PHACTR1: variants seen among roughly 807,000 people sequenced by gnomAD.
PHACTR1 encodes the protein RPEL repeat containing 1.
PHACTR1 carries 16 observed loss-of-function variants against 69.2 expected under a neutral mutation model. That is an observed-to-expected ratio of 0.23 (90% CI 0.16 to 0.35). The LOEUF (loss-of-function observed/expected upper bound fraction) is 0.35. Ranked by LOEUF, PHACTR1 falls within the 10% of genes least tolerant of loss-of-function variation. PHACTR1 has a pLI of 1.00. For missense variants in PHACTR1, 510 were observed against 734.7 expected (o/e 0.69, Z 3.54); for synonymous variants, 312 against 284.5 (o/e 1.10, Z -0.97).
intron 4 of PHACTR1, among the ~76,000 whole-genome samples, chr6:12,816,993 G>T (rs1034521117): frequency 1.3e-5 from 2 of 152,216 alleles, no homozygotes; most frequent in Non-Finnish European, 2.9e-5. Context: ...AGGGTTGTGT[G>T]TGTGGGGGTG....
At chr6:12,870,561 GTC>G (rs1056668704) in intron 4 of PHACTR1, among the ~76,000 whole-genome samples, 1 of 152,216 alleles carries the variant, frequency 6.6e-6, no homozygotes, top group Non-Finnish European at 1.5e-5. Context: ...AAGGGTCTGT[GTC>G]TCTACATCAG....
intron 4 of PHACTR1, among the ~76,000 whole-genome samples, chr6:12,889,297 A>T (rs1157123333): frequency 6.6e-6 from 1 of 152,172 alleles, no homozygotes; most frequent in Non-Finnish European, 1.5e-5. Context: ...AATCAGTGGG[A>T]TGGAGTACAC....
chr6:13,273,230 G>A (rs1778145342), intron 11 of PHACTR1: 1 of 323,274 alleles, frequency 3.1e-6, no homozygotes, highest in African/African-American at 2.1e-5. Flanking sequence ...TAAGAGCAGG[G>A]TCACCTTTAA....
chr6:12,964,400 G>A (rs1793167531), intron 4 of PHACTR1, among the ~76,000 whole-genome samples: 1 of 152,180 alleles, frequency 6.6e-6, no homozygotes, highest in Admixed American at 6.5e-5. Flanking sequence ...TTTAACCTAA[G>A]AGTCTTGAGA....
At chr6:13,178,040 G>A (rs568673309) in intron 6 of PHACTR1, among the ~76,000 whole-genome samples, 2 of 152,168 alleles carry the variant, frequency 1.3e-5, no homozygotes, top group Admixed American at 1.3e-4. Context: ...GAGTAAGGCT[G>A]GCACAATCTT....
intron 4 of PHACTR1, among the ~76,000 whole-genome samples, chr6:12,991,316 G>T (rs1205110885): frequency 1.3e-5 from 2 of 152,162 alleles, no homozygotes; most frequent in Admixed American, 1.3e-4. Flanking sequence ...CCCAAGGGGT[G>T]GCCCTGGTTT....
chr6:12,996,604 G>T (rs1797437541), intron 4 of PHACTR1, among the ~76,000 whole-genome samples: 2 of 152,062 alleles, frequency 1.3e-5, no homozygotes, highest in Non-Finnish European at 2.9e-5. Context: ...CATTTAAGAA[G>T]GGTTACTCTT....
chr6:12,856,507 C>T (rs1780385069), intron 4 of PHACTR1, among the ~76,000 whole-genome samples: 1 of 152,186 alleles, frequency 6.6e-6, no homozygotes, highest in Non-Finnish European at 1.5e-5. Context: ...CCGTCCACCT[C>T]AGCCTTCCAA....
At chr6:13,273,877 A>G (rs1778282354) in intron 11 of PHACTR1, 2 of 151,980 alleles carry the variant, frequency 1.3e-5, no homozygotes. Context: ...GCTATGTTGT[A>G]CAGACTGACT....
chr6:13,063,413 T>C (rs1807987928), intron 5 of PHACTR1, among the ~76,000 whole-genome samples: 1 of 152,104 alleles, frequency 6.6e-6, no homozygotes, highest in African/African-American at 2.4e-5. Flanking sequence ...AGGAAATCTC[T>C]CCTGGTGGGC....
chr6:13,073,331 A>ATTTTT (rs10664160), intron 5 of PHACTR1, among the ~76,000 whole-genome samples: 3,889 of 65,710 alleles, frequency 0.059, 938 homozygotes, highest in East Asian at 0.12. Flanking sequence ...CATTCCATGA[A>ATTTTT]TTTTTTTTTT....
intron 4 of PHACTR1, among the ~76,000 whole-genome samples, chr6:12,765,174 T>G (rs1193061487): frequency 2.0e-5 from 3 of 152,244 alleles, no homozygotes; most frequent in African/African-American, 4.8e-5. Flanking sequence ...AAAACCTTGA[T>G]GTGGTATCAC....
intron 4 of PHACTR1, among the ~76,000 whole-genome samples, chr6:13,041,335 T>TACACACACAC (rs1341525931): frequency 7.7e-5 from 3 of 38,720 alleles, no homozygotes; most frequent in South Asian, 9.9e-4. Flanking sequence ...GTAATTAAAA[T>TACACACACAC]ACATACACAC....
intron 4 of PHACTR1, among the ~76,000 whole-genome samples, chr6:12,811,949 A>G (rs1581865465): frequency 6.6e-6 from 1 of 151,822 alleles, no homozygotes; most frequent in Non-Finnish European, 1.5e-5. Context: ...AAGTTGATCT[A>G]CAGGGTGCCT....
intron 4 of PHACTR1, among the ~76,000 whole-genome samples, chr6:12,753,943 A>AAT (rs775836853): frequency 0.035 from 3,000 of 86,116 alleles, 53 homozygotes; most frequent in Middle Eastern, 0.083. Flanking sequence ...GCAAGTTGTA[A>AAT]ATATATATAT....
intron 5 of PHACTR1, among the ~76,000 whole-genome samples, chr6:13,139,541 T>C (rs1822099025): frequency 6.6e-6 from 1 of 152,222 alleles, no homozygotes; most frequent in South Asian, 2.1e-4. Context: ...CAAAAAACTT[T>C]CATTTGAGGA....
At chr6:13,155,062 C>T (rs1283025409) in intron 5 of PHACTR1, among the ~76,000 whole-genome samples, 1 of 152,142 alleles carries the variant, frequency 6.6e-6, no homozygotes, top group African/African-American at 2.4e-5. Flanking sequence ...CAGTGTTGAG[C>T]TTGTCCTAGT....
chr6:12,869,985 T>C (rs1373160316), intron 4 of PHACTR1, among the ~76,000 whole-genome samples: 1 of 152,200 alleles, frequency 6.6e-6, no homozygotes, highest in Non-Finnish European at 1.5e-5. Flanking sequence ...CCTTATGTGA[T>C]AGTCTGATTA....
chr6:13,019,744 TG>T (rs1800698821), intron 4 of PHACTR1, among the ~76,000 whole-genome samples: 1 of 152,138 alleles, frequency 6.6e-6, no homozygotes, highest in South Asian at 2.1e-4. Context: ...ACACTCACAT[TG>T]AAAAAGGTAA....
Sources: allele counts gnomAD v4.1 joint callset (sites outside exome capture counted in the v4.1 genomes callset), GRCh38; gene constraint gnomAD v4.1.1; transcripts MANE v1.5; gene names NCBI Gene and HGNC (gene_info 2026-07-23, HGNC 2026-07-21).